JAK1: variants seen among roughly 807,000 people sequenced by gnomAD.
JAK1 encodes the protein Janus kinase 1.
Under a neutral mutation model 136.6 loss-of-function variants are expected in JAK1, and 16 were observed. That is an observed-to-expected ratio of 0.12 (90% confidence interval 0.08 to 0.18). The LOEUF is 0.18. JAK1 is among the 10% of genes least tolerant of loss of function. The probability of loss-of-function intolerance (pLI) is 1.00; values close to 1 mark genes in which losing one functional copy is unlikely to be tolerated. For missense variants in JAK1, 859 were observed against 1,450.1 expected (o/e 0.59, Z 6.62); for synonymous variants, 492 against 519.5 (o/e 0.95, Z 0.72).
chr1:65,022,266 C>T (rs540837318), intron 2 of JAK1, among the ~76,000 whole-genome samples: 43 of 152,204 alleles, frequency 2.8e-4, no homozygotes, highest in African/African-American at 1.0e-3. Context: ...TGTAATGTCC[C>T]CTCTCCTTTC....
intron 13 of JAK1, 66 bp downstream of exon 13, chr1:64,847,466 C>T (rs1166114214): frequency 6.3e-7 from 1 of 1,584,906 alleles, no homozygotes; most frequent in Non-Finnish European, 8.6e-7. Context: ...TCTTCTCAAC[C>T]CATTGTGTTC....
At chr1:64,872,308 G>C (rs766588031) in intron 5 of JAK1, among the ~76,000 whole-genome samples, 6 of 152,156 alleles carry the variant, frequency 3.9e-5, no homozygotes, top group Non-Finnish European at 1.5e-5. Flanking sequence ...CTGCTGCTGA[G>C]ACACTCTACA....
At chr1:64,841,171 G>C in intron 19 of JAK1, 74 bp downstream of exon 19, 1 of 1,054,984 alleles carries the variant, frequency 9.5e-7, no homozygotes, top group Non-Finnish European at 1.5e-6. Context: ...GAGAGCAGCT[G>C]TACGTGCAGA....
At chr1:64,945,038 C>T (rs12098096) in intron 1 of JAK1, among the ~76,000 whole-genome samples, 1,894 of 151,934 alleles carry the variant, frequency 0.012, 40 homozygotes, top group African/African-American at 0.043. Context: ...AACAGGAGCA[C>T]ATCGGGATGG....
intron 2 of JAK1, among the ~76,000 whole-genome samples, chr1:64,976,257 C>T (rs1646496770): frequency 6.6e-6 from 1 of 152,218 alleles, no homozygotes; most frequent in Admixed American, 6.5e-5. Flanking sequence ...GCCATTTCCA[C>T]ACTCTGTGAA....
rs139348914 is a variant in JAK1 at position 64,868,010 on chromosome 1, A to AAGAGAG, written c.648-808_648-803dup. Among the ~76,000 whole-genome samples, 432 of 146,938 alleles carry AAGAGAG rather than the reference A, an allele frequency of 2.9e-3. 4 individuals carry two copies. The highest frequency in any genetic ancestry group is 4.1e-3 in the Non-Finnish European group (270 of 65,722). On this transcript the variant is annotated intron_variant, in intron 6 of 24. Transcript: ENST00000342505. ...CGTCCCCCCAAGCACCCCCACAAAA[A>AAGAGAG]AGAGAGAGAGAGAGAGAGTGAGAGA...
chr1:64,986,068 A>G, intron 2 of JAK1: 2 of 1,148,262 alleles, frequency 1.7e-6, no homozygotes, highest in Non-Finnish European at 2.6e-6. Flanking sequence ...AAGATCAGAG[A>G]TGGGGTGACC....
intron 1 of JAK1, among the ~76,000 whole-genome samples, chr1:64,889,979 T>A (rs962791108): frequency 2.0e-5 from 3 of 152,222 alleles, no homozygotes; most frequent in African/African-American, 7.2e-5. Flanking sequence ...ACACCTACAA[T>A]GAATTACTTT....
intron 1 of JAK1, among the ~76,000 whole-genome samples, chr1:64,890,244 C>T (rs1397060431): frequency 7.1e-6 from 1 of 140,194 alleles, no homozygotes; most frequent in Non-Finnish European, 1.5e-5. Context: ...ACAGGAAGAT[C>T]AGGATTTTTT....
chr1:64,976,946 C>G (rs759182572), intron 2 of JAK1, among the ~76,000 whole-genome samples: 49 of 152,108 alleles, frequency 3.2e-4, no homozygotes, highest in Admixed American at 7.9e-4. Context: ...TAAGTCTGAG[C>G]TCCAGAAATA....
At chr1:65,065,294 C>T (rs1402721169) in intron 1 of JAK1, among the ~76,000 whole-genome samples, 2 of 152,142 alleles carry the variant, frequency 1.3e-5, no homozygotes, top group Admixed American at 6.5e-5. Context: ...TCTTTTCCCC[C>T]CTCCTTCCCT....
upstream of JAK1, among the ~76,000 whole-genome samples, chr1:64,967,968 A>G (rs767944167): frequency 6.6e-6 from 1 of 152,200 alleles, no homozygotes; most frequent in East Asian, 1.9e-4. Context: ...TTAAATAGGG[A>G]TAATGCCTTC....
At chr1:64,980,980 G>A (rs1300864299) in intron 2 of JAK1, among the ~76,000 whole-genome samples, 1 of 152,000 alleles carries the variant, frequency 6.6e-6, no homozygotes, top group African/African-American at 2.4e-5. Context: ...ATCATTGTTG[G>A]GCATCAATTT....
At chr1:64,923,526 T>C (rs374056235) in intron 1 of JAK1, among the ~76,000 whole-genome samples, 2 of 152,214 alleles carry the variant, frequency 1.3e-5, no homozygotes, top group East Asian at 1.9e-4. Flanking sequence ...GACATTTCCA[T>C]TGGTTGCTGT....
chr1:64,846,754 A>G lies in JAK1; in HGVS notation c.1900-18T>C, dbSNP rs764297221. On this transcript the variant is annotated intron_variant, in intron 13 of 24. Coordinates refer to ENST00000342505, the MANE Select transcript of JAK1 (RefSeq NM_002227.4). ...AAGAAGGCCTGTGGGCGAGCAGGAC[A>G]TAGGAATGTCTCAGGCCAGCCTCCA... is the stretch of plus-strand genomic sequence containing the variant. 7.5e-6 allele frequency: 12 copies of G among 1,607,088 alleles called. No homozygotes were observed. Among genetic ancestry groups the G allele is most frequent in the African/African-American group, 1.3e-5 (1 of 74,804 alleles).
At chr1:64,985,560 C>A in intron 2 of JAK1, 1 of 1,171,496 alleles carries the variant, frequency 8.5e-7, no homozygotes, top group Admixed American at 2.0e-5. Context: ...GTCTTCAGAC[C>A]CCAGGATGAA....
At chr1:64,977,325 C>G (rs1337577040) in intron 2 of JAK1, among the ~76,000 whole-genome samples, 1 of 151,956 alleles carries the variant, frequency 6.6e-6, no homozygotes, top group Non-Finnish European at 1.5e-5. Context: ...AATTTTGTTT[C>G]ATTTTTTGTA....
intron 12 of JAK1, among the ~76,000 whole-genome samples, chr1:64,848,884 A>T (rs539041628): frequency 6.6e-6 from 1 of 152,202 alleles, no homozygotes; most frequent in South Asian, 2.1e-4. Context: ...ACCATTTGTT[A>T]TCTGTCAGAG....
intron 20 of JAK1, 80 bp from the exon 21 acceptor site, chr1:64,838,669 C>G: frequency 6.7e-7 from 1 of 1,485,136 alleles, no homozygotes; most frequent in Non-Finnish European, 9.2e-7. Flanking sequence ...GGATATGAGA[C>G]AGAGGCCCTG....
Sources: gnomAD v4.1 joint callset for allele counts (sites outside exome capture counted in the v4.1 genomes callset) on GRCh38, gnomAD v4.1.1 for gene constraint, MANE v1.5 for transcripts, NCBI Gene and HGNC (gene_info 2026-07-23, HGNC 2026-07-21) for gene names.